STOX2: variants seen among roughly 807,000 people sequenced by gnomAD.
The protein encoded by STOX2 is storkhead-box protein 2.
A neutral mutation model predicts 60.9 loss-of-function variants in STOX2; 28 were observed. That is an observed-to-expected ratio of 0.46 (90% CI 0.34 to 0.63). The LOEUF is 0.63. Ranked by LOEUF, STOX2 falls within the 30% of genes least tolerant of loss-of-function variation. The probability of loss-of-function intolerance (pLI) is 0.01; values close to 1 mark genes in which losing one functional copy is unlikely to be tolerated. For missense variants in STOX2, 1,024 were observed against 1,187.7 expected (o/e 0.86, Z 2.03); for synonymous variants, 472 against 463.9 (o/e 1.02, Z -0.22).
chr4:183,924,772 T>A (rs1742194417), intron 1 of STOX2, among the ~76,000 whole-genome samples: 1 of 151,964 alleles, frequency 6.6e-6, no homozygotes, highest in Admixed American at 6.6e-5. Context: ...TGTTGAGGAA[T>A]TCCATGCCTG....
rs1741625883 is a variant in STOX2 at position 183,906,754 on chromosome 4, GC to G, written c.-33del. 6.7e-7 allele frequency: 1 copy of G among 1,486,138 alleles called. No homozygotes were observed. Among genetic ancestry groups the G allele is most frequent in the South Asian group, 1.3e-5 (1 of 76,052 alleles). The allele number at this position is 1,486,138 out of a possible 1,614,324, so 92.1% of individuals were successfully genotyped here. A position where few individuals can be genotyped will look rare whatever the true frequency, so the allele number is the denominator to read the frequency against. On this transcript the variant is annotated 5_prime_UTR_variant, in exon 1 of 4. Coordinates refer to ENST00000308497, the MANE Select transcript of STOX2 (RefSeq NM_020225.3). ...GAGCGCGCTGCGCCCCGGCGCTGAGGCCCCGAGGATCGGGGCGGCAGGTCGC... is the reference window on the plus strand; with the variant it reads ...GAGCGCGCTGCGCCCCGGCGCTGAGGCCCGAGGATCGGGGCGGCAGGTCGC...
chr4:183,983,995 C>T (rs1284053428), intron 1 of STOX2, among the ~76,000 whole-genome samples: 1 of 152,144 alleles, frequency 6.6e-6, no homozygotes, highest in African/African-American at 2.4e-5. Context: ...CTCTACTTCC[C>T]AGTAATGAAC....
intron 1 of STOX2, among the ~76,000 whole-genome samples, chr4:183,912,964 T>A (rs1219509890): frequency 6.6e-6 from 1 of 152,042 alleles, no homozygotes; most frequent in Non-Finnish European, 1.5e-5. Flanking sequence ...AAGCTATGAG[T>A]GGATGATTAG....
At chr4:183,921,814 C>T (rs1461721687) in intron 1 of STOX2, among the ~76,000 whole-genome samples, 1 of 152,160 alleles carries the variant, frequency 6.6e-6, no homozygotes, top group Non-Finnish European at 1.5e-5. Flanking sequence ...AACTCTTACT[C>T]CCGTTTCATG....
At chr4:184,006,851 C>A (rs1337325055) in intron 2 of STOX2, among the ~76,000 whole-genome samples, 1 of 150,652 alleles carries the variant, frequency 6.6e-6, no homozygotes, top group Non-Finnish European at 1.5e-5. Context: ...CCCGTCTCTA[C>A]TAAAAATACA....
intron 2 of STOX2, among the ~76,000 whole-genome samples, chr4:184,002,072 C>T (rs1733615971): frequency 6.6e-6 from 1 of 152,226 alleles, no homozygotes; most frequent in South Asian, 2.1e-4. Context: ...ATGCAGGACC[C>T]TCTTTCAAGA....
intron 1 of STOX2, among the ~76,000 whole-genome samples, chr4:183,828,474 T>C (rs1297695703): frequency 6.6e-6 from 1 of 152,172 alleles, no homozygotes; most frequent in Non-Finnish European, 1.5e-5. Context: ...CCACTTGATT[T>C]TTCTTGCAAG....
chr4:183,852,349 G>C (rs1314866877), intron 1 of STOX2, among the ~76,000 whole-genome samples: 1 of 104,924 alleles, frequency 9.5e-6, no homozygotes, highest in Non-Finnish European at 2.0e-5. Flanking sequence ...ATGAGGGAAA[G>C]GATGAGAGAA....
At chr4:183,918,684 G>C (rs961355938) in intron 1 of STOX2, among the ~76,000 whole-genome samples, 11 of 152,202 alleles carry the variant, frequency 7.2e-5, no homozygotes, top group Non-Finnish European at 1.5e-5. Context: ...AAGTAGTGAT[G>C]GGCCCAGTGG....
chr4:183,967,483 A>G (rs1743612701), intron 1 of STOX2, among the ~76,000 whole-genome samples: 1 of 152,008 alleles, frequency 6.6e-6, no homozygotes, highest in Non-Finnish European at 1.5e-5. Context: ...AGAAAGGGGA[A>G]CATGATGGTG....
At chr4:183,851,833 C>G (rs200694003) in intron 1 of STOX2, among the ~76,000 whole-genome samples, 936 of 9,178 alleles carry the variant, frequency 0.1, 3 homozygotes, top group African/African-American at 0.15. Context: ...ATGAGGGAAA[C>G]GATGAGGGAA....
chr4:183,854,031 G>C (rs542273143), intron 1 of STOX2, among the ~76,000 whole-genome samples: 1 of 152,324 alleles, frequency 6.6e-6, no homozygotes, highest in African/African-American at 2.4e-5. Context: ...ATATCCCATT[G>C]TTTCAAACCT....
At chr4:183,862,325 G>C (rs1740468164) in intron 1 of STOX2, among the ~76,000 whole-genome samples, 1 of 152,124 alleles carries the variant, frequency 6.6e-6, no homozygotes, top group Admixed American at 6.5e-5. Flanking sequence ...ACAGGCACAT[G>C]CCATCACCCC....
intron 1 of STOX2, among the ~76,000 whole-genome samples, chr4:183,849,164 G>T (rs938778707): frequency 1.6e-4 from 24 of 152,178 alleles, no homozygotes; most frequent in Admixed American, 1.6e-3. Flanking sequence ...AGATTTCCTG[G>T]GCAGTTACCA....
chr4:183,869,521 G>C (rs901343203), intron 1 of STOX2, among the ~76,000 whole-genome samples: 1 of 152,134 alleles, frequency 6.6e-6, no homozygotes, highest in Non-Finnish European at 1.5e-5. Flanking sequence ...TGATTACACA[G>C]CCTTGAAAAT....
chr4:183,852,626 C>T (rs192242106), intron 1 of STOX2, among the ~76,000 whole-genome samples: 2 of 152,254 alleles, frequency 1.3e-5, no homozygotes, highest in South Asian at 2.1e-4. Context: ...CTAGGTTGAA[C>T]GATCTGACCA....
At chr4:183,890,128 C>T (rs2871380) in intron 1 of STOX2, among the ~76,000 whole-genome samples, 39,640 of 152,062 alleles carry the variant, frequency 0.26, 5,604 homozygotes, top group Middle Eastern at 0.37. Flanking sequence ...AACTCAGACC[C>T]GAGGGAACTG....
intron 1 of STOX2, among the ~76,000 whole-genome samples, chr4:183,831,329 G>A (rs1426311890): frequency 1.3e-5 from 2 of 152,016 alleles, no homozygotes; most frequent in African/African-American, 4.8e-5. Context: ...CTTCATTTCC[G>A]CCCCCAAGTT....
At chr4:183,850,927 G>A (rs866314172) in intron 1 of STOX2, among the ~76,000 whole-genome samples, 112 of 113,732 alleles carry the variant, frequency 9.8e-4, no homozygotes, top group South Asian at 3.4e-3. Flanking sequence ...AAAGGATGAG[G>A]GAAAGGATGA....
Sources: allele counts gnomAD v4.1 joint callset (sites outside exome capture counted in the v4.1 genomes callset), GRCh38; gene constraint gnomAD v4.1.1; transcripts MANE v1.5; gene names NCBI Gene and HGNC (gene_info 2026-07-23, HGNC 2026-07-21).